The following HMGA2 variants were observed in gnomAD, a reference collection of about 807,000 sequenced individuals.
HMGA2 encodes high mobility group protein HMGI-C.
Under a neutral mutation model 19.1 loss-of-function variants are expected in HMGA2, and 8 were observed. That is an observed-to-expected ratio of 0.42 (90% CI 0.25 to 0.76). The LOEUF is 0.76. Ranked by LOEUF, HMGA2 falls within the 30% of genes least tolerant of loss-of-function variation. The pLI, the probability that HMGA2 is intolerant of heterozygous loss-of-function variation, is 0.28. For synonymous variants in HMGA2, 60 were observed against 48.8 expected, an observed-to-expected ratio of 1.23 and a Z score of -0.96; for missense variants, 109 against 136.3, an observed-to-expected ratio of 0.80 and a Z score of 1.00.
At chr12:65,861,079 T>C (rs1318005714) in intron 3 of HMGA2, among the ~76,000 whole-genome samples, 1 of 152,150 alleles carries the variant, frequency 6.6e-6, no homozygotes, top group Admixed American at 6.5e-5. Context: ...TTAAAAAAGA[T>C]AATTTAGGCC....
intron 3 of HMGA2, among the ~76,000 whole-genome samples, chr12:65,871,750 T>C (rs1256762875): frequency 6.6e-6 from 1 of 152,238 alleles, no homozygotes; most frequent in Non-Finnish European, 1.5e-5. Flanking sequence ...CAATGTCACA[T>C]GGGCTTCTTA....
At chr12:65,871,237 C>T (rs1298282611) in intron 3 of HMGA2, among the ~76,000 whole-genome samples, 2 of 152,116 alleles carry the variant, frequency 1.3e-5, no homozygotes, top group Non-Finnish European at 2.9e-5. Flanking sequence ...TCAGTATCAA[C>T]AAATAAAGTA....
At chr12:65,877,687 A>C (rs1227030891) in intron 3 of HMGA2, among the ~76,000 whole-genome samples, 1 of 152,150 alleles carries the variant, frequency 6.6e-6, no homozygotes, top group East Asian at 1.9e-4. Flanking sequence ...TGAAGAGAGC[A>C]AAAAAGTTTC....
intron 3 of HMGA2, among the ~76,000 whole-genome samples, chr12:65,845,576 T>TG (rs1871201729): frequency 8.6e-6 from 1 of 116,422 alleles, no homozygotes; most frequent in South Asian, 3.5e-4. Context: ...GCCTTTAAGA[T>TG]TTTTTTTAAA....
chr12:65,832,668 T>C (rs1592372728), intron 2 of HMGA2, among the ~76,000 whole-genome samples: 1 of 152,078 alleles, frequency 6.6e-6, no homozygotes, highest in African/African-American at 2.4e-5. Context: ...TATGAATCTT[T>C]GTTCTGCCAA....
chr12:65,900,820 G>A (rs1874342040), intron 3 of HMGA2, among the ~76,000 whole-genome samples: 2 of 152,204 alleles, frequency 1.3e-5, no homozygotes, highest in South Asian at 4.1e-4. Flanking sequence ...GCACGTTGGA[G>A]CCAACTGTTA....
intron 3 of HMGA2, chr12:65,842,748 A>G: frequency 7.1e-7 from 1 of 1,405,396 alleles, no homozygotes; most frequent in Non-Finnish European, 9.3e-7. Context: ...GAATTCCATT[A>G]GCCAGTCCTG....
intron 3 of HMGA2, among the ~76,000 whole-genome samples, chr12:65,919,532 A>G (rs1235576652): frequency 6.6e-6 from 1 of 152,240 alleles, no homozygotes; most frequent in African/African-American, 2.4e-5. Context: ...TTTAAGAAAA[A>G]TGTTAAATTC....
intron 3 of HMGA2, among the ~76,000 whole-genome samples, chr12:65,927,967 G>A (rs1035908087): frequency 1.4e-5 from 2 of 145,438 alleles, no homozygotes; most frequent in South Asian, 2.1e-4. Flanking sequence ...ATATATATAT[G>A]TATGTATGTA....
At chr12:65,896,262 A>G (rs1490382803) in intron 3 of HMGA2, among the ~76,000 whole-genome samples, 1 of 152,224 alleles carries the variant, frequency 6.6e-6, no homozygotes, top group East Asian at 1.9e-4. Flanking sequence ...CTGCCAACAA[A>G]GAAGGGCTTG....
chr12:65,849,847 T>C (rs1871386480), intron 3 of HMGA2, among the ~76,000 whole-genome samples: 1 of 148,868 alleles, frequency 6.7e-6, no homozygotes, highest in South Asian at 2.2e-4. Flanking sequence ...GCCTCTCGAG[T>C]AGCTGGGATT....
rs1446011553 is a variant in HMGA2, at chr12:65,842,663, G to C, written c.249+4094G>C. On this transcript the variant is annotated intron_variant, in intron 3 of 4. Transcript: ENST00000403681. ...ATTTGGTGTCATGTGGTGTTCATCAGTTTGAAAAGAAGTATTTCTGCTGTT... is the reference window on the plus strand; with the variant it reads ...ATTTGGTGTCATGTGGTGTTCATCACTTTGAAAAGAAGTATTTCTGCTGTT... 20 of 1,531,512 alleles carry C rather than the reference G, an allele frequency of 1.3e-5. No homozygotes were observed. In the East Asian group the frequency reaches 4.2e-4, roughly 32 times the overall value. The allele number at this position is 1,531,512 out of a possible 1,614,324, so 94.9% of individuals were successfully genotyped here. A position where few individuals can be genotyped will look rare whatever the true frequency, so the allele number is the denominator to read the frequency against.
intron 3 of HMGA2, among the ~76,000 whole-genome samples, chr12:65,890,788 G>A (rs905165965): frequency 1.3e-5 from 2 of 151,164 alleles, no homozygotes; most frequent in Admixed American, 6.6e-5. Flanking sequence ...GCAGGGGCGC[G>A]ATCTTGGCTC....
chr12:65,921,816 C>G (rs1477573527), intron 3 of HMGA2, among the ~76,000 whole-genome samples: 1 of 152,180 alleles, frequency 6.6e-6, no homozygotes, highest in Non-Finnish European at 1.5e-5. Flanking sequence ...GCCCAGGGTC[C>G]CCATGCTGTG....
At chr12:65,860,929 T>TTCAG (rs1319838081) in intron 3 of HMGA2, among the ~76,000 whole-genome samples, 1 of 152,218 alleles carries the variant, frequency 6.6e-6, no homozygotes, top group Non-Finnish European at 1.5e-5. Context: ...CTAGGCCTGG[T>TTCAG]TCAGGGACAT....
At chr12:65,855,458 T>TCTCA (rs140365204) in intron 3 of HMGA2, among the ~76,000 whole-genome samples, 1,617 of 140,204 alleles carry the variant, frequency 0.012, 11 homozygotes, top group Middle Eastern at 0.017. Context: ...TCTCTCTCTC[T>TCTCA]CACACACACA....
chr12:65,909,265 G>T (rs1486611774), intron 3 of HMGA2, among the ~76,000 whole-genome samples: 2 of 152,072 alleles, frequency 1.3e-5, no homozygotes, highest in African/African-American at 2.4e-5. Context: ...ACAAATTTCT[G>T]CTGGGAACTG....
chr12:65,865,666 G>A (rs1375792073), intron 3 of HMGA2, among the ~76,000 whole-genome samples: 7 of 132,954 alleles, frequency 5.3e-5, no homozygotes, highest in Admixed American at 5.2e-4. Flanking sequence ...ACAGAGTCTC[G>A]CTCTGTCACC....
At chr12:65,839,074 C>T (rs1279169475) in intron 3 of HMGA2, among the ~76,000 whole-genome samples, 1 of 124,812 alleles carries the variant, frequency 8.0e-6, no homozygotes, top group Non-Finnish European at 1.6e-5. Flanking sequence ...TTTTCTTTTT[C>T]ACATGGCTTT....
Sources: gnomAD v4.1 joint callset for allele counts (sites outside exome capture counted in the v4.1 genomes callset) on GRCh38, gnomAD v4.1.1 for gene constraint, MANE v1.5 for transcripts, NCBI Gene and HGNC (gene_info 2026-07-23, HGNC 2026-07-21) for gene names.